Variants in NKAIN3 observed in about 807,000 individuals in gnomAD.
The protein encoded by NKAIN3 is sodium/potassium-transporting ATPase subunit beta-1-interacting protein 3.
In NKAIN3, 25 loss-of-function variants were observed where a neutral mutation model predicts 30.2. The observed-to-expected ratio is 0.83, with a 90% CI of 0.60 to 1.16. NKAIN3 has a LOEUF of 1.16. NKAIN3 is among the 50% of genes most tolerant of loss of function. NKAIN3 has a pLI of 0.00. For missense variants in NKAIN3, 225 were observed against 254.1 expected (o/e 0.89, Z 0.78); for synonymous variants, 91 against 89.6 (o/e 1.02, Z -0.09).
At chr8:62,915,870 G>A (rs1050778305) in intron 4 of NKAIN3, among the ~76,000 whole-genome samples, 1 of 152,062 alleles carries the variant, frequency 6.6e-6, no homozygotes, top group African/African-American at 2.4e-5. Flanking sequence ...ATGAAAGCAA[G>A]ATCAAGTTAA....
At chr8:62,760,258 C>T (rs910532847) in intron 4 of NKAIN3, among the ~76,000 whole-genome samples, 1 of 152,108 alleles carries the variant, frequency 6.6e-6, no homozygotes, top group Non-Finnish European at 1.5e-5. Context: ...CCATTTGACC[C>T]AGCAATCCCA....
intron 4 of NKAIN3, among the ~76,000 whole-genome samples, chr8:62,817,477 A>G (rs1818720055): frequency 6.6e-6 from 1 of 152,052 alleles, no homozygotes; most frequent in Non-Finnish European, 1.5e-5. Flanking sequence ...GGCAGCTTCC[A>G]GTATCCACCC....
At chr8:62,731,029 T>C (rs1057466929) in intron 3 of NKAIN3, among the ~76,000 whole-genome samples, 6 of 152,110 alleles carry the variant, frequency 3.9e-5, no homozygotes, top group Non-Finnish European at 7.3e-5. Flanking sequence ...CTCAAGACTT[T>C]GTAAAAGTTT....
intron 4 of NKAIN3, among the ~76,000 whole-genome samples, chr8:62,881,268 T>C (rs185154851): frequency 1.5e-4 from 23 of 152,262 alleles, no homozygotes; most frequent in African/African-American, 5.5e-4. Context: ...CCCTAAAAAA[T>C]CCCCTGTCTT....
intron 2 of NKAIN3, among the ~76,000 whole-genome samples, chr8:62,581,234 T>C (rs556269550): frequency 6.6e-6 from 1 of 152,138 alleles, no homozygotes; most frequent in Non-Finnish European, 1.5e-5. Context: ...GGAGTTGGAC[T>C]TGAGGCCTAA....
chr8:62,337,433 G>A (rs1815596322), intron 1 of NKAIN3, among the ~76,000 whole-genome samples: 2 of 151,906 alleles, frequency 1.3e-5, no homozygotes, highest in Non-Finnish European at 2.9e-5. Flanking sequence ...TGGAGCATAG[G>A]ACAGAATGAA....
chr8:62,793,396 T>G (rs560788785), intron 4 of NKAIN3, among the ~76,000 whole-genome samples: 3 of 152,206 alleles, frequency 2.0e-5, no homozygotes, highest in African/African-American at 7.2e-5. Flanking sequence ...CCCCAAGCCC[T>G]TCTCCAAATC....
intron 4 of NKAIN3, among the ~76,000 whole-genome samples, chr8:62,875,525 T>C (rs1489758219): frequency 6.6e-6 from 1 of 152,178 alleles, no homozygotes; most frequent in Non-Finnish European, 1.5e-5. Context: ...AAGACAATCT[T>C]CAGCAAAAAG....
At chr8:62,567,889 A>G (rs1432520788) in intron 1 of NKAIN3, among the ~76,000 whole-genome samples, 1 of 152,194 alleles carries the variant, frequency 6.6e-6, no homozygotes, top group Non-Finnish European at 1.5e-5. Context: ...GTAATTTGCT[A>G]GAACACTGAA....
intron 1 of NKAIN3, among the ~76,000 whole-genome samples, chr8:62,368,499 G>A (rs74550923): frequency 0.048 from 7,300 of 152,206 alleles, 262 homozygotes; most frequent in Admixed American, 0.089. Flanking sequence ...CCACATGCAC[G>A]TGAAAGTTGT....
intron 3 of NKAIN3, among the ~76,000 whole-genome samples, chr8:62,647,587 C>A (rs1206918639): frequency 6.6e-6 from 1 of 151,914 alleles, no homozygotes; most frequent in Non-Finnish European, 1.5e-5. Context: ...CACGGGGAAA[C>A]CTGAAGGATT....
chr8:62,584,281 C>T (rs1810403249), intron 2 of NKAIN3, among the ~76,000 whole-genome samples: 1 of 152,108 alleles, frequency 6.6e-6, no homozygotes, highest in Non-Finnish European at 1.5e-5. Flanking sequence ...CTTTGGAGCA[C>T]CAGGTATGTG....
chr8:62,338,616 G>A (rs1026025760), intron 1 of NKAIN3, among the ~76,000 whole-genome samples: 2 of 151,896 alleles, frequency 1.3e-5, no homozygotes, highest in African/African-American at 4.8e-5. Context: ...AGAGAGGGGA[G>A]TTTATTAAGT....
intron 1 of NKAIN3, among the ~76,000 whole-genome samples, chr8:62,326,175 A>G (rs1237197343): frequency 6.6e-6 from 1 of 151,930 alleles, no homozygotes; most frequent in Non-Finnish European, 1.5e-5. Context: ...CATTCTTTTT[A>G]TATTGCATCT....
Position 62,882,642 on chromosome 8 carries a change from G to A in NKAIN3, c.472-35811G>A, listed in dbSNP as rs1314041773. ...CTGGTGTTGTATTTAAAAAGATATT[G>A]CCATACCCAAGATCACCTAGATTTT... On this transcript the variant is annotated intron_variant, in intron 4 of 6. Transcript: ENST00000623646. 2.0e-5 allele frequency among the ~76,000 whole-genome samples: 3 copies of A among 151,958 alleles called. No homozygotes were observed. In the East Asian group the frequency reaches 5.8e-4, roughly 29 times the overall value.
chr8:62,880,095 C>A (rs1820928743), intron 4 of NKAIN3, among the ~76,000 whole-genome samples: 1 of 152,146 alleles, frequency 6.6e-6, no homozygotes, highest in Non-Finnish European at 1.5e-5. Flanking sequence ...AGACATTAAC[C>A]AATTTATTTA....
Position 62,597,282 on chromosome 8 carries a change from C to T in NKAIN3, c.273+7488C>T, listed in dbSNP as rs552708371. Among the ~76,000 whole-genome samples the T allele has an allele frequency of 3.8e-3, 581 of 152,178 alleles. 5 individuals carry two copies. The highest frequency in any genetic ancestry group is 0.013 in the African/African-American group (535 of 41,542). On this transcript the variant is annotated intron_variant, in intron 3 of 6. Transcript: ENST00000623646. Reference sequence around the variant, plus strand: ...GGGCCTTCTTTAGGGCCTGGAAAGCCGCTTCTGCTTCATGTGTCCATCTTA... The same window carrying T: ...GGGCCTTCTTTAGGGCCTGGAAAGCTGCTTCTGCTTCATGTGTCCATCTTA...
intron 4 of NKAIN3, among the ~76,000 whole-genome samples, chr8:62,872,888 G>A (rs1339664731): frequency 6.6e-6 from 1 of 152,112 alleles, no homozygotes; most frequent in Non-Finnish European, 1.5e-5. Context: ...AGGAAAAACT[G>A]GTACCAGCCA....
intron 4 of NKAIN3, among the ~76,000 whole-genome samples, chr8:62,901,135 A>G (rs2130837317): frequency 6.6e-6 from 1 of 152,196 alleles, no homozygotes. Context: ...GGTGATACTC[A>G]GTGTCCATTT....
Sources: allele counts gnomAD v4.1 joint callset (sites outside exome capture counted in the v4.1 genomes callset), GRCh38; gene constraint gnomAD v4.1.1; transcripts MANE v1.5; gene names NCBI Gene and HGNC (gene_info 2026-07-23, HGNC 2026-07-21).